Variants in ASCC3 observed in about 807,000 individuals in gnomAD.
ASCC3 encodes the protein ASC-1 complex subunit P200.
In ASCC3, 158 loss-of-function variants were observed where a neutral mutation model predicts 256.3. The observed-to-expected ratio is 0.62, with a 90% CI of 0.54 to 0.70. The LOEUF is 0.70. ASCC3 is among the 30% of genes least tolerant of loss of function. ASCC3 has a pLI of 0.00. For missense variants in ASCC3, 2,259 were observed against 2,626.0 expected (o/e 0.86, Z 3.05); for synonymous variants, 948 against 883.4 (o/e 1.07, Z -1.30).
chr6:100,875,797 A>C (rs1396323808), intron 1 of ASCC3, among the ~76,000 whole-genome samples: 2 of 152,188 alleles, frequency 1.3e-5, no homozygotes, highest in Non-Finnish European at 2.9e-5. Flanking sequence ...CCTAGTTTCC[A>C]AAAATGGTAG....
chr6:100,851,109 G>T (rs1346387910), intron 3 of ASCC3, among the ~76,000 whole-genome samples: 2 of 151,980 alleles, frequency 1.3e-5, no homozygotes, highest in Non-Finnish European at 2.9e-5. Context: ...TTTTATAGAT[G>T]TTAAATGGAA....
At chr6:100,833,692 AATG>A (rs1257273327) in intron 4 of ASCC3, among the ~76,000 whole-genome samples, 1 of 152,212 alleles carries the variant, frequency 6.6e-6, no homozygotes, top group African/African-American at 2.4e-5. Context: ...TATCGATGAA[AATG>A]ATTATTCCCT....
chr6:100,841,348 A>T (rs913978710), intron 4 of ASCC3, among the ~76,000 whole-genome samples: 4 of 151,998 alleles, frequency 2.6e-5, no homozygotes, highest in African/African-American at 9.7e-5. Context: ...ATATTTTTTT[A>T]AAAAATAGTA....
At chr6:100,741,570 GA>G (rs1015479742) in intron 10 of ASCC3, among the ~76,000 whole-genome samples, 2 of 152,064 alleles carry the variant, frequency 1.3e-5, no homozygotes, top group African/African-American at 4.8e-5. Flanking sequence ...CAGAGCCTTT[GA>G]TCACTTATTT....
At chr6:100,685,125 T>C (rs1777509190) in intron 13 of ASCC3, among the ~76,000 whole-genome samples, 1 of 152,078 alleles carries the variant, frequency 6.6e-6, no homozygotes, top group Non-Finnish European at 1.5e-5. Context: ...CCCTCTTTTC[T>C]AGGAATACTG....
intron 4 of ASCC3, among the ~76,000 whole-genome samples, chr6:100,811,032 A>G (rs1292705826): frequency 6.6e-6 from 1 of 152,030 alleles, no homozygotes; most frequent in African/African-American, 2.4e-5. Flanking sequence ...CAAGAGGAGG[A>G]TTTTTGTCCA....
chr6:100,638,940 C>A (rs942274589), intron 24 of ASCC3, 119 bp from the exon 25 acceptor site: 3 of 855,204 alleles, frequency 3.5e-6, no homozygotes, highest in Admixed American at 2.0e-5. Context: ...AGAAAAAACA[C>A]AAACTCTTAT....
At chr6:100,614,802 A>G (rs1773581368) in intron 30 of ASCC3, among the ~76,000 whole-genome samples, 1 of 152,222 alleles carries the variant, frequency 6.6e-6, no homozygotes, top group Non-Finnish European at 1.5e-5. Context: ...ATAATGAGTT[A>G]TGAAATAATG....
intron 10 of ASCC3, among the ~76,000 whole-genome samples, chr6:100,737,321 C>A (rs754062481): frequency 1.3e-5 from 2 of 151,684 alleles, no homozygotes; most frequent in African/African-American, 4.8e-5. Context: ...CTGTGCAGAT[C>A]ATCCCATCAC....
chr6:100,793,578 T>C (rs1235488724), intron 8 of ASCC3, among the ~76,000 whole-genome samples: 1 of 151,976 alleles, frequency 6.6e-6, no homozygotes, highest in Non-Finnish European at 1.5e-5. Context: ...ACAGACATCA[T>C]AGCAAAGATG....
At position 100,512,902 on chromosome 6, in the gene ASCC3, G is replaced by A; in HGVS notation, c.6092C>T (p.Ser2031Phe). ...GCCAACATTTATCACTGGCAAGTGA[G>A]ATAAGAAATTCCATGCCTAAATAAA... ...AKTKQAWNFL[S>F]HLPVINVGIS... Residue 2031 changes from serine to phenylalanine, a missense_variant, in exon 40 of 42, where the codon TCT becomes TTT. Transcript: ENST00000369162. 1 of 1,613,670 alleles carries A rather than the reference G, an allele frequency of 6.2e-7. No individual in the cohort carries two copies. The highest frequency in any genetic ancestry group is 8.5e-7 in the Non-Finnish European group (1 of 1,179,828).
At chr6:100,669,315 CAT>C (rs1388232565) in intron 14 of ASCC3, among the ~76,000 whole-genome samples, 2 of 149,204 alleles carry the variant, frequency 1.3e-5, no homozygotes, top group African/African-American at 2.4e-5. Context: ...TATAAAAAGA[CAT>C]ATATACACTA....
intron 8 of ASCC3, among the ~76,000 whole-genome samples, chr6:100,789,103 A>AGGAG (rs920628164): frequency 6.6e-6 from 1 of 151,742 alleles, no homozygotes; most frequent in Non-Finnish European, 1.5e-5. Context: ...AGGAAAGGAA[A>AGGAG]GGAGGAAGGA....
At position 100,532,394 on chromosome 6, in the gene ASCC3, ATATATATATATATT is replaced by A. The variant is rs1211500510; in HGVS notation, c.5775+7755_5775+7768del. ...TGTATGTGTGTATATATATATATAT[ATATATATATATATT>A]TTTTTTTTTTTTTTTTTTTAAATTA... On this transcript the variant is annotated intron_variant, in intron 37 of 41. Transcript: ENST00000369162. Among the ~76,000 whole-genome samples the A allele has an allele frequency of 3.1e-4, 13 of 41,304 alleles. No individual in the cohort carries two copies. In the South Asian group the frequency reaches 6.8e-3, roughly 21 times the overall value. 27.1% of individuals were successfully genotyped at this position (41,304 alleles called of 152,430 possible). A position where few individuals can be genotyped will look rare whatever the true frequency, so the allele number is the denominator to read the frequency against.
chr6:100,554,656 T>C (rs1769477605), intron 36 of ASCC3, among the ~76,000 whole-genome samples: 1 of 152,158 alleles, frequency 6.6e-6, no homozygotes, highest in South Asian at 2.1e-4. Flanking sequence ...CTGCTGTCTT[T>C]TGGCCACTGA....
intron 4 of ASCC3, among the ~76,000 whole-genome samples, chr6:100,831,050 TTTAG>T (rs1181556907): frequency 3.3e-5 from 5 of 152,044 alleles, no homozygotes; most frequent in African/African-American, 7.2e-5. Flanking sequence ...GTAGAAAGGG[TTTAG>T]TTATTCTTCT....
Position 100,633,956 on chromosome 6 carries a change from C to T in ASCC3, c.4123-2743G>A, listed in dbSNP as rs543834250. Among the ~76,000 whole-genome samples the T allele has an allele frequency of 2.6e-5, 4 of 151,656 alleles. No individual in the cohort carries two copies. In the South Asian group the frequency reaches 6.3e-4, roughly 24 times the overall value. On this transcript the variant is annotated intron_variant, in intron 25 of 41. Coordinates refer to ENST00000369162, the MANE Select transcript of ASCC3 (RefSeq NM_006828.4). ...CTGCAAAAATTATGGCCACAGTACACGATAAGTGCTTGGTTAAGATGGAAA... is the reference window on the plus strand; with the variant it reads ...CTGCAAAAATTATGGCCACAGTACATGATAAGTGCTTGGTTAAGATGGAAA...
At chr6:100,721,886 C>T (rs898367533) in intron 11 of ASCC3, among the ~76,000 whole-genome samples, 1 of 151,448 alleles carries the variant, frequency 6.6e-6, no homozygotes, top group Non-Finnish European at 1.5e-5. Flanking sequence ...CTTTCGGGGA[C>T]TTAGCTAAAA....
chr6:100,861,074 T>C (rs1773202609), intron 3 of ASCC3, among the ~76,000 whole-genome samples: 2 of 152,130 alleles, frequency 1.3e-5, no homozygotes, highest in East Asian at 1.9e-4. Flanking sequence ...AAGGCTGAAA[T>C]GGGGCAATGG....
Sources: allele counts gnomAD v4.1 joint callset (sites outside exome capture counted in the v4.1 genomes callset), GRCh38; gene constraint gnomAD v4.1.1; transcripts MANE v1.5; gene names NCBI Gene and HGNC (gene_info 2026-07-23, HGNC 2026-07-21).